EFCC1: variants seen among roughly 807,000 people sequenced by gnomAD.
EFCC1 encodes EF-hand and coiled-coil domain containing 1.
Under a neutral mutation model 52.1 loss-of-function variants are expected in EFCC1, and 50 were observed. The observed-to-expected ratio is 0.96, with a 90% CI of 0.76 to 1.21. The LOEUF is 1.21. Ranked by LOEUF, EFCC1 falls within the 50% of genes most tolerant of loss-of-function variation. The probability of loss-of-function intolerance (pLI) is 0.00; values close to 1 mark genes in which losing one functional copy is unlikely to be tolerated. For synonymous variants in EFCC1, 399 were observed against 396.5 expected (o/e 1.01, Z -0.08); for missense variants, 837 against 867.3 (o/e 0.97, Z 0.44).
intron 3 of EFCC1, 72 bp from the exon 4 acceptor site, chr3:129,032,747 C>T: frequency 2.6e-6 from 4 of 1,516,744 alleles, no homozygotes; most frequent in Non-Finnish European, 3.6e-6. Context: ...CTGCGCTGCA[C>T]ATGTCCCCCT....
At chr3:129,011,829 G>A (rs1316622245) in intron 2 of EFCC1, among the ~76,000 whole-genome samples, 2 of 152,158 alleles carry the variant, frequency 1.3e-5, no homozygotes, top group Non-Finnish European at 2.9e-5. Flanking sequence ...TCGAGCCTGA[G>A]GCTTTGCACC....
chr3:129,023,958 T>C (rs1945982077), intron 2 of EFCC1, among the ~76,000 whole-genome samples: 1 of 152,142 alleles, frequency 6.6e-6, no homozygotes, highest in Non-Finnish European at 1.5e-5. Context: ...AGCAGGTGAA[T>C]AGGTGATAGG....
chr3:129,023,009 A>C (rs536763358), intron 2 of EFCC1, among the ~76,000 whole-genome samples: 1 of 152,344 alleles, frequency 6.6e-6, no homozygotes, highest in African/African-American at 2.4e-5. Context: ...TCGGGTTCAG[A>C]GGCAGACAGA....
At chr3:129,012,890 A>G (rs908318356) in intron 2 of EFCC1, among the ~76,000 whole-genome samples, 52 of 152,142 alleles carry the variant, frequency 3.4e-4, no homozygotes, top group African/African-American at 1.2e-3. Context: ...GCATTTTTTT[A>G]TGTAGTGTAG....
chr3:129,017,341 T>C (rs1451261888), intron 2 of EFCC1, among the ~76,000 whole-genome samples: 1 of 152,220 alleles, frequency 6.6e-6, no homozygotes, highest in African/African-American at 2.4e-5. Flanking sequence ...ATCACAACCA[T>C]AGCCGATCAC....
intron 2 of EFCC1, among the ~76,000 whole-genome samples, chr3:129,025,816 CAA>C (rs1268840401): frequency 6.6e-6 from 1 of 152,206 alleles, no homozygotes; most frequent in South Asian, 2.1e-4. Context: ...TGGAAAATTC[CAA>C]AGAGTGTCCT....
rs1451399307 is a variant in EFCC1, at chr3:129,011,694, G to A, written c.980+7617G>A. Reference sequence around the variant, plus strand: ...GAGGAGCCGTGGGCTCTCTGTCGAGGTGGCTGATCAGTGGTGTCCCCAGAG... The same window carrying A: ...GAGGAGCCGTGGGCTCTCTGTCGAGATGGCTGATCAGTGGTGTCCCCAGAG... On this transcript the variant is annotated intron_variant, in intron 2 of 7. Coordinates refer to ENST00000683648, the MANE Select transcript of EFCC1 (RefSeq NM_001377500.1). Among the ~76,000 whole-genome samples the A allele has an allele frequency of 3.3e-5, 5 of 152,270 alleles. No homozygotes were observed. In the South Asian group the frequency reaches 1.0e-3, roughly 32 times the overall value.
intron 2 of EFCC1, among the ~76,000 whole-genome samples, chr3:129,019,056 G>A (rs2107905904): frequency 1.3e-5 from 2 of 152,328 alleles, no homozygotes; most frequent in South Asian, 4.1e-4. Context: ...TGTGAGAACT[G>A]TCCCAGGAGA....
At chr3:129,008,475 A>G (rs773885211) in intron 2 of EFCC1, among the ~76,000 whole-genome samples, 2 of 152,256 alleles carry the variant, frequency 1.3e-5, no homozygotes, top group African/African-American at 2.4e-5. Flanking sequence ...GGGGCTTCTC[A>G]TAGCACCCCA....
chr3:129,002,480 G>T (rs1342189861), intron 1 of EFCC1, 156 bp downstream of exon 1: 2 of 1,345,332 alleles, frequency 1.5e-6, no homozygotes, highest in African/African-American at 1.5e-5. Flanking sequence ...CTTGCATCTT[G>T]CCCCTGTTCC....
In EFCC1 at chr3:129,037,089, T is replaced by C; in HGVS notation, c.1565T>C (p.Leu522Pro). 1 of 1,610,798 alleles carries C rather than the reference T, an allele frequency of 6.2e-7. No individual in the cohort carries two copies. Residue 522 changes from leucine (L) to proline (P), a missense_variant, in exon 6 of 8, where the codon CTG (leucine) becomes CCG (proline). By Grantham distance (98) the Leu-to-Pro change is moderately conservative. Coordinates refer to ENST00000683648, the MANE Select transcript of EFCC1 (RefSeq NM_001377500.1). Reference protein sequence around the residue: ...SLLEEKLVDVLQLLQRLRDLN... With the variant: ...SLLEEKLVDVPQLLQRLRDLN... ...CTGGAGGAGAAGCTGGTGGACGTGCTGCAGCTCCTGCAGAGGCTCCGGGAC... is the reference window on the plus strand; with the variant it reads ...CTGGAGGAGAAGCTGGTGGACGTGCCGCAGCTCCTGCAGAGGCTCCGGGAC...
Position 129,007,931 on chromosome 3 carries a change from T to C in EFCC1, c.980+3854T>C, listed in dbSNP as rs74660227. ...GTCTCTTGTGGATTGCTGTAATATC[T>C]GAGCTTCCTGAGATGTTTTACACCT... On this transcript the variant is annotated intron_variant, in intron 2 of 7. Coordinates refer to ENST00000683648, the MANE Select transcript of EFCC1 (RefSeq NM_001377500.1). 3.2e-3 allele frequency among the ~76,000 whole-genome samples: 487 copies of C among 152,360 alleles called. 12 individuals carry two copies. The highest frequency in any genetic ancestry group is 0.023 in the Admixed American group (346 of 15,306).
intron 2 of EFCC1, among the ~76,000 whole-genome samples, chr3:129,023,508 A>G (rs1042373601): frequency 2.0e-5 from 3 of 151,934 alleles, no homozygotes; most frequent in Admixed American, 6.6e-5. Flanking sequence ...TTGGTTTTGT[A>G]TTTTTAGTAG....
chr3:129,023,883 A>C (rs1945978579), intron 2 of EFCC1, among the ~76,000 whole-genome samples: 1 of 152,200 alleles, frequency 6.6e-6, no homozygotes, highest in African/African-American at 2.4e-5. Context: ...GGTAGGACTC[A>C]ACCCATGTCT....
At chr3:129,028,797 C>A (rs1036144709) in intron 2 of EFCC1, among the ~76,000 whole-genome samples, 19 of 152,044 alleles carry the variant, frequency 1.2e-4, no homozygotes, top group African/African-American at 4.6e-4. Flanking sequence ...CACGTGCCAC[C>A]ACACCCAGCT....
intron 3 of EFCC1, among the ~76,000 whole-genome samples, chr3:129,031,294 G>T (rs950982899): frequency 1.3e-5 from 2 of 152,202 alleles, no homozygotes; most frequent in Admixed American, 6.5e-5. Flanking sequence ...AGCCCAGTGT[G>T]GTGGCACATG....
chr3:129,034,998 G>C (rs140745340), intron 5 of EFCC1, among the ~76,000 whole-genome samples: 1 of 152,136 alleles, frequency 6.6e-6, no homozygotes, highest in Non-Finnish European at 1.5e-5. Flanking sequence ...ATTTCAATAC[G>C]ACCACTTCGC....
intron 3 of EFCC1, among the ~76,000 whole-genome samples, chr3:129,031,713 C>T (rs1019620754): frequency 6.6e-6 from 1 of 152,214 alleles, no homozygotes; most frequent in South Asian, 2.1e-4. Context: ...CCTGGCCCTG[C>T]GTTGCTCTAC....
chr3:129,022,430 T>TCTGGAGC (rs1945896581), intron 2 of EFCC1, among the ~76,000 whole-genome samples: 1 of 152,100 alleles, frequency 6.6e-6, no homozygotes, highest in Admixed American at 6.6e-5. Context: ...TACATGAAGA[T>TCTGGAGC]CTGGAGCCAG....
Sources: gnomAD v4.1 joint callset for allele counts (sites outside exome capture counted in the v4.1 genomes callset) on GRCh38, gnomAD v4.1.1 for gene constraint, MANE v1.5 for transcripts, NCBI Gene and HGNC (gene_info 2026-07-23, HGNC 2026-07-21) for gene names.